RAD54B: variants seen among roughly 807,000 people sequenced by gnomAD.
The protein encoded by RAD54B is DNA repair and recombination protein RAD54B.
RAD54B carries 78 observed loss-of-function variants against 95.8 expected under a neutral mutation model. The observed-to-expected ratio is 0.81, with a 90% CI of 0.68 to 0.98. The LOEUF is 0.98. Among genes scored for constraint, RAD54B ranks in the 50% least tolerant of loss-of-function variants. The pLI is 0.00. For missense variants in RAD54B, 957 were observed against 1,056.6 expected, an observed-to-expected ratio of 0.91 and a Z score of 1.31; for synonymous variants, 328 against 354.9, an observed-to-expected ratio of 0.92 and a Z score of 0.85.
intron 3 of RAD54B, chr8:94,432,635 T>C (rs1406844093): frequency 6.5e-7 from 1 of 1,538,144 alleles, no homozygotes; most frequent in Admixed American, 2.0e-5. Flanking sequence ...TACCAGCCTG[T>C]GCCTCCTCAT....
intron 3 of RAD54B, among the ~76,000 whole-genome samples, chr8:94,455,294 C>T (rs888526578): frequency 6.6e-6 from 1 of 152,162 alleles, no homozygotes; most frequent in African/African-American, 2.4e-5. Context: ...CACTCTGAAG[C>T]CAAAGACAGC....
At chr8:94,407,876 C>T (rs953106841) in intron 4 of RAD54B, among the ~76,000 whole-genome samples, 156 bp from the exon 5 acceptor site, 16 of 150,204 alleles carry the variant, frequency 1.1e-4, no homozygotes, top group African/African-American at 3.4e-4. Flanking sequence ...TTAAAAAAAA[C>T]ATTGAAAATC....
chr8:94,433,308 T>C (rs1812164186), intron 3 of RAD54B, among the ~76,000 whole-genome samples: 1 of 152,092 alleles, frequency 6.6e-6, no homozygotes, highest in Non-Finnish European at 1.5e-5. Flanking sequence ...ATGACTCAGA[T>C]GCTGTTTAAG....
rs1252828714 is a variant in RAD54B at position 94,413,098 on chromosome 8, A to G, written c.305-1783T>C. Among the ~76,000 whole-genome samples the G allele has an allele frequency of 4.6e-5, 7 of 152,214 alleles. No individual in the cohort carries two copies. In the East Asian group the frequency reaches 5.8e-4, roughly 13 times the overall value. ...TATAAATAAGCACAGCTCCTATTTC[A>G]TGAATTGGAACATTCAATTTTGTTA... is the stretch of plus-strand genomic sequence containing the variant. On this transcript the variant is annotated intron_variant, in intron 3 of 14. Transcript: ENST00000336148.
intron 11 of RAD54B, among the ~76,000 whole-genome samples, chr8:94,384,731 C>A (rs13280849): frequency 0.38 from 58,475 of 151,968 alleles, 11,415 homozygotes; most frequent in Admixed American, 0.5. Context: ...TGTGAAGCAA[C>A]AGAACAAAGA....
chr8:94,377,315 C>T (rs1016114174), intron 14 of RAD54B, among the ~76,000 whole-genome samples: 1 of 151,590 alleles, frequency 6.6e-6, no homozygotes, highest in Non-Finnish European at 1.5e-5. Context: ...GCGGGCAGAT[C>T]GCTGGAGCCC....
chr8:94,399,489 G>C lies in RAD54B; in HGVS notation c.1303C>G (p.Arg435Gly), dbSNP rs772311368. The C allele has an allele frequency of 6.2e-7, 1 of 1,613,528 alleles. No homozygotes were observed. The highest frequency in any genetic ancestry group is 8.5e-7 in the Non-Finnish European group (1 of 1,179,638). The stretch of plus-strand genomic sequence containing the variant: ...GTCTTAATGGCACTGTTCTTCAAAC[G>C]ATGCCCCTCGTCACAGATTAGAAGA... ...FDLLICDEGH[R>G]LKNSAIKTTT... is the part of the protein sequence containing the mutation. The change falls in exon 8 of 15, where the codon CGT becomes GGT. Residue 435 changes from arginine to glycine, a missense_variant. Physicochemically the swap from Arg to Gly is moderately radical, Grantham distance 125. Transcript: ENST00000336148.
intron 1 of RAD54B, among the ~76,000 whole-genome samples, chr8:94,471,805 A>G (rs917994255): frequency 1.3e-5 from 2 of 151,954 alleles, no homozygotes; most frequent in Non-Finnish European, 1.5e-5. Context: ...TTAAATTACC[A>G]TATTTCATCA....
At chr8:94,393,044 G>C (rs902517833) in intron 9 of RAD54B, among the ~76,000 whole-genome samples, 1 of 148,296 alleles carries the variant, frequency 6.7e-6, no homozygotes, top group South Asian at 2.2e-4. Flanking sequence ...GGATGGTCTC[G>C]ATCTCTTGAC....
chr8:94,393,929 A>G (rs1287861231), intron 8 of RAD54B, 47 bp from the exon 9 acceptor site: 1 of 1,499,870 alleles, frequency 6.7e-7, no homozygotes, highest in East Asian at 2.3e-5. Flanking sequence ...GTGTTTTACA[A>G]TCACAATCTC....
At chr8:94,435,717 C>T (rs558955490) in intron 3 of RAD54B, among the ~76,000 whole-genome samples, 12 of 151,974 alleles carry the variant, frequency 7.9e-5, no homozygotes, top group South Asian at 2.1e-4. Flanking sequence ...TCTAAAAAAA[C>T]CCAGTTGCTC....
intron 3 of RAD54B, chr8:94,427,973 A>C: frequency 1.1e-6 from 1 of 919,588 alleles, no homozygotes. Flanking sequence ...ATCTCATCAT[A>C]CACAAAAGAA....
intron 3 of RAD54B, among the ~76,000 whole-genome samples, chr8:94,435,670 C>CATA (rs952094496): frequency 6.6e-4 from 100 of 152,154 alleles, no homozygotes; most frequent in African/African-American, 2.4e-3. Flanking sequence ...CAAATAGTTA[C>CATA]ATAGAAGACA....
chr8:94,421,396 A>T (rs1274231039), intron 3 of RAD54B, among the ~76,000 whole-genome samples: 3 of 152,144 alleles, frequency 2.0e-5, no homozygotes, highest in East Asian at 3.9e-4. Flanking sequence ...GTTCTTCAGA[A>T]CTGACTTCTA....
chr8:94,398,598 G>A (rs1311335427), intron 8 of RAD54B, among the ~76,000 whole-genome samples: 1 of 152,048 alleles, frequency 6.6e-6, no homozygotes, highest in Non-Finnish European at 1.5e-5. Context: ...CCTTCCAAAA[G>A]GGCTGAAGAT....
At chr8:94,471,207 A>G (rs1296519259) in intron 1 of RAD54B, among the ~76,000 whole-genome samples, 3 of 150,552 alleles carry the variant, frequency 2.0e-5, no homozygotes, top group African/African-American at 7.4e-5. Context: ...GTATATCGCC[A>G]GTACCAAATA....
At position 94,442,620 on chromosome 8, in the gene RAD54B, G is replaced by C. The variant is rs558831165; in HGVS notation, c.304+15648C>G. On this transcript the variant is annotated intron_variant, in intron 3 of 14. Transcript: ENST00000336148. ...AAGTACAGTTAAATAGAAAGAATAA[G>C]ATCTAGTGTTCAGTAATATAATACG... Among the ~76,000 whole-genome samples, 5 of 141,920 alleles carry C rather than the reference G, an allele frequency of 3.5e-5. No homozygotes were observed. The South Asian group carries it at 1.1e-3, about 32-fold the overall frequency. The allele number at this position is 141,920 out of a possible 152,430, so 93.1% of individuals were successfully genotyped here.
chr8:94,474,041 G>T (rs566773687), intron 1 of RAD54B, among the ~76,000 whole-genome samples: 3 of 152,190 alleles, frequency 2.0e-5, no homozygotes, highest in Non-Finnish European at 4.4e-5. Flanking sequence ...GCCATAAAAA[G>T]GAATGAAATC....
intron 3 of RAD54B, chr8:94,429,246 GAAAAAT>G: frequency 1.8e-5 from 10 of 548,098 alleles, no homozygotes; most frequent in Non-Finnish European, 2.3e-5. Flanking sequence ...CAATGCTGCA[GAAAAAT>G]ATGATTGTAG....
Sources: allele counts gnomAD v4.1 joint callset (sites outside exome capture counted in the v4.1 genomes callset), GRCh38; gene constraint gnomAD v4.1.1; transcripts MANE v1.5; gene names NCBI Gene and HGNC (gene_info 2026-07-23, HGNC 2026-07-21).